Variants in REV3L observed in about 807,000 individuals in gnomAD.
REV3L encodes the protein DNA polymerase zeta catalytic subunit.
Under a neutral mutation model 299.4 loss-of-function variants are expected in REV3L, and 69 were observed. The ratio of observed to expected loss-of-function variants is 0.23; its 90% CI spans 0.19 to 0.28. The LOEUF (loss-of-function observed/expected upper bound fraction) is 0.28. Ranked by LOEUF, REV3L falls within the 10% of genes least tolerant of loss-of-function variation. REV3L has a pLI of 1.00. For synonymous variants in REV3L, 1,238 were observed against 1,271.4 expected, an observed-to-expected ratio of 0.97 and a Z score of 0.56; for missense variants, 3,128 against 3,693.8, an observed-to-expected ratio of 0.85 and a Z score of 3.97.
rs1793923274 is a variant in REV3L, at chr6:111,482,784, C to T, written c.105G>A (p.Val35=). ...TCGCTCCGAAGACTCGCACCACCGG[C>T]ACCTTCTTGACAGGGGCCTGGGTGA... ...SPLTQAPVKK[V]PVVRVFGATP... is the part of the protein sequence containing the mutation. Residue 35 remains valine (V), a synonymous_variant, in exon 1 of 32, where the codon GTG becomes GTA. Transcript: ENST00000368802. 2.0e-6 allele frequency: 3 copies of T among 1,484,838 alleles called. No individual in the cohort carries two copies. Among genetic ancestry groups the T allele is most frequent in the African/African-American group, 2.9e-5 (2 of 68,678 alleles). 92.0% of individuals were successfully genotyped at this position (1,484,838 alleles called of 1,614,324 possible). A position where few individuals can be genotyped will look rare whatever the true frequency, so the allele number is the denominator to read the frequency against.
chr6:111,397,529 T>C (rs1782643694), intron 4 of REV3L, among the ~76,000 whole-genome samples: 1 of 152,242 alleles, frequency 6.6e-6, no homozygotes, highest in Non-Finnish European at 1.5e-5. Context: ...TGGCCTAACG[T>C]ATGATCTTTC....
chr6:111,341,976 A>G (rs1373663463), intron 21 of REV3L, among the ~76,000 whole-genome samples: 6 of 77,252 alleles, frequency 7.8e-5, no homozygotes, highest in Non-Finnish European at 2.6e-4. Context: ...TTCAGTTGTG[A>G]GCCCAGAAAA....
rs772645266 is a variant in REV3L at position 111,374,124 on chromosome 6, G to A, written c.4231C>T (p.Leu1411=). 6 of 1,613,968 alleles carry A rather than the reference G, an allele frequency of 3.7e-6. No individual in the cohort carries two copies. In the African/African-American group the frequency reaches 6.7e-5, roughly 18 times the overall value. Residue 1411 remains leucine, a synonymous_variant, in exon 13 of 32, where the codon CTG becomes TTG. Coordinates refer to ENST00000368802, the MANE Select transcript of REV3L (RefSeq NM_001372078.1). The part of the protein sequence containing the change: ...SEYRNSLESK[L]DQAYTPNFLH... ...AAATTAGGGGTATATGCTTGGTCCA[G>A]CTTTGATTCTAGGGAATTGCGATAT...
chr6:111,329,855 CAG>C (rs1775211932), intron 24 of REV3L, 117 bp from the exon 25 acceptor site: 2 of 736,918 alleles, frequency 2.7e-6, no homozygotes, highest in Admixed American at 4.7e-5. Context: ...ATGCTAACAA[CAG>C]AGTGACCATA....
At position 111,322,597 on chromosome 6, in the gene REV3L, C is replaced by T; in HGVS notation, c.8323G>A (p.Ala2775Thr). Reference protein sequence around the residue: ...KLVNDTKKWGARVVYGDTDSM... With the variant: ...KLVNDTKKWGTRVVYGDTDSM... ...TCAGTATCGCCATATACAACCCTAG[C>T]CCCCCATTTCTTGGTATCATTCACC... Residue 2775 changes from alanine to threonine, a missense_variant, in exon 26 of 32, where the codon GCT becomes ACT. Physicochemically the swap from Ala to Thr is moderately conservative, Grantham distance 58. Around this residue, in one of 9 missense-constraint regions of REV3L, gnomAD observed 37 missense variants for 100.1 expected, o/e 0.37. Coordinates refer to ENST00000368802, the MANE Select transcript of REV3L (RefSeq NM_001372078.1). 1 of 1,613,936 alleles carries T rather than the reference C, an allele frequency of 6.2e-7. No individual in the cohort carries two copies. The highest frequency in any genetic ancestry group is 8.5e-7 in the Non-Finnish European group (1 of 1,179,856).
intron 4 of REV3L, among the ~76,000 whole-genome samples, chr6:111,394,353 A>G (rs1328283393): frequency 1.3e-5 from 2 of 152,148 alleles, no homozygotes; most frequent in Non-Finnish European, 2.9e-5. Context: ...ATGATTGCTT[A>G]CTGTGGTTTT....
intron 3 of REV3L, among the ~76,000 whole-genome samples, chr6:111,409,780 A>C (rs966199025): frequency 6.6e-6 from 1 of 152,142 alleles, no homozygotes; most frequent in African/African-American, 2.4e-5. Context: ...ATTTTTTTTT[A>C]AATTTTTTTA....
At chr6:111,461,696 T>C (rs1302206012) in intron 1 of REV3L, among the ~76,000 whole-genome samples, 4 of 152,044 alleles carry the variant, frequency 2.6e-5, no homozygotes, top group African/African-American at 4.8e-5. Context: ...TATAAAGCTA[T>C]GTATTATTAT....
At chr6:111,444,373 G>A (rs1226173531) in intron 1 of REV3L, among the ~76,000 whole-genome samples, 1 of 151,938 alleles carries the variant, frequency 6.6e-6, no homozygotes, top group African/African-American at 2.4e-5. Flanking sequence ...AGCATAAAAG[G>A]CTTAAACTAC....
chr6:111,337,728 G>T (rs1358222633), intron 21 of REV3L, among the ~76,000 whole-genome samples: 5 of 152,112 alleles, frequency 3.3e-5, no homozygotes, highest in Non-Finnish European at 7.4e-5. Context: ...ATTTTAATCT[G>T]CATTGTTTTG....
At chr6:111,319,400 G>A (rs1242042592) in intron 26 of REV3L, among the ~76,000 whole-genome samples, 1 of 152,084 alleles carries the variant, frequency 6.6e-6, no homozygotes, top group Non-Finnish European at 1.5e-5. Context: ...GGCAGAGCAT[G>A]CAGTGAGCTG....
intron 1 of REV3L, among the ~76,000 whole-genome samples, chr6:111,472,891 G>T (rs907553956): frequency 2.0e-5 from 3 of 152,210 alleles, no homozygotes; most frequent in African/African-American, 7.2e-5. Context: ...ATTTGTTTTG[G>T]TCTCAAAATC....
intron 1 of REV3L, among the ~76,000 whole-genome samples, chr6:111,481,206 G>A (rs761771988): frequency 3.3e-5 from 5 of 152,128 alleles, no homozygotes; most frequent in African/African-American, 4.8e-5. Context: ...TCGGAAATTT[G>A]GCTGAACAGG....
intron 27 of REV3L, 127 bp downstream of exon 27, chr6:111,315,140 G>T: frequency 1.3e-6 from 1 of 749,716 alleles, no homozygotes; most frequent in East Asian, 2.7e-5. Context: ...ATGAGCCAGT[G>T]ACCCAAATTT....
intron 1 of REV3L, among the ~76,000 whole-genome samples, chr6:111,417,408 G>A (rs1303194737): frequency 2.0e-5 from 3 of 152,148 alleles, no homozygotes; most frequent in Non-Finnish European, 4.4e-5. Flanking sequence ...TTCCCCTTGG[G>A]TATGTGCCAT....
chr6:111,315,210 G>A, intron 27 of REV3L, 57 bp downstream of exon 27: 1 of 1,312,280 alleles, frequency 7.6e-7, no homozygotes, highest in South Asian at 1.2e-5. Flanking sequence ...ACAAATCAGA[G>A]GTCTCTAGAA....
chr6:111,451,326 ACTT>A (rs1310254727), intron 1 of REV3L, among the ~76,000 whole-genome samples: 3 of 152,180 alleles, frequency 2.0e-5, no homozygotes, highest in African/African-American at 4.8e-5. Context: ...CACTTTCCCA[ACTT>A]CTTCTGGGCT....
At chr6:111,425,050 T>G (rs1786006381) in intron 1 of REV3L, among the ~76,000 whole-genome samples, 1 of 152,176 alleles carries the variant, frequency 6.6e-6, no homozygotes, top group South Asian at 2.1e-4. Context: ...TGGTTGATCT[T>G]GAGGCTCTGC....
intron 1 of REV3L, among the ~76,000 whole-genome samples, chr6:111,466,632 T>G: frequency 6.6e-6 from 1 of 151,314 alleles, no homozygotes; most frequent in Non-Finnish European, 1.5e-5. Flanking sequence ...AAGTCAGGAG[T>G]TCAAGACCAG....
Sources: gnomAD v4.1 joint callset for allele counts (sites outside exome capture counted in the v4.1 genomes callset) on GRCh38, gnomAD v4.1.1 for gene constraint, gnomAD v4.1.1 regional missense constraint, MANE v1.5 for transcripts, NCBI Gene and HGNC (gene_info 2026-07-23, HGNC 2026-07-21) for gene names.